NEGR1: variants seen among roughly 807,000 people sequenced by gnomAD.
NEGR1 encodes the protein IgLON family member 4.
In NEGR1, 10 loss-of-function variants were observed where a neutral mutation model predicts 40.9. The ratio of observed to expected loss-of-function variants is 0.24; its 90% confidence interval spans 0.15 to 0.42. NEGR1 has a LOEUF of 0.42. NEGR1 is among the 10% of genes least tolerant of loss of function. NEGR1 has a pLI of 1.00. For missense variants in NEGR1, 352 were observed against 438.9 expected, an observed-to-expected ratio of 0.80 and a Z score of 1.77; for synonymous variants, 185 against 166.8, an observed-to-expected ratio of 1.11 and a Z score of -0.84.
chr1:72,212,731 A>C (rs1653657080), intron 1 of NEGR1, among the ~76,000 whole-genome samples: 1 of 151,996 alleles, frequency 6.6e-6, no homozygotes, highest in Non-Finnish European at 1.5e-5. Flanking sequence ...AGCTATTCTA[A>C]AATTTTTTCT....
intron 1 of NEGR1, among the ~76,000 whole-genome samples, chr1:72,039,630 T>G (rs1646934719): frequency 6.6e-6 from 1 of 151,908 alleles, no homozygotes; most frequent in Non-Finnish European, 1.5e-5. Context: ...ATGTTGGAGT[T>G]TTTACTATGC....
intron 1 of NEGR1, among the ~76,000 whole-genome samples, chr1:72,162,552 C>A (rs1293833460): frequency 6.6e-6 from 1 of 152,098 alleles, no homozygotes; most frequent in African/African-American, 2.4e-5. Flanking sequence ...GAGTGACAGT[C>A]ATCATTAAAA....
intron 6 of NEGR1, among the ~76,000 whole-genome samples, chr1:71,524,353 T>TGTGTGTGTGA (rs1553148001): frequency 6.7e-6 from 1 of 149,498 alleles, no homozygotes; most frequent in African/African-American, 2.5e-5. Flanking sequence ...TGTGTGTGTG[T>TGTGTGTGTGA]GTGATATCAA....
At chr1:72,142,162 C>T (rs763378738) in intron 1 of NEGR1, among the ~76,000 whole-genome samples, 8 of 151,814 alleles carry the variant, frequency 5.3e-5, no homozygotes, top group Non-Finnish European at 1.2e-4. Flanking sequence ...CAACTCCATG[C>T]CCTCCTGACC....
intron 6 of NEGR1, among the ~76,000 whole-genome samples, chr1:71,581,942 A>G (rs370226505): frequency 1.6e-3 from 242 of 152,180 alleles, no homozygotes; most frequent in African/African-American, 5.5e-3. Flanking sequence ...GGGCTCAAGC[A>G]ATCCATCTGC....
intron 1 of NEGR1, among the ~76,000 whole-genome samples, chr1:71,948,984 C>T (rs142849391): frequency 2.1e-4 from 32 of 152,172 alleles, no homozygotes; most frequent in African/African-American, 7.5e-4. Context: ...AAAAAATACA[C>T]TATCACTCTA....
chr1:72,087,747 T>C (rs1324089784), intron 1 of NEGR1, among the ~76,000 whole-genome samples: 3 of 144,182 alleles, frequency 2.1e-5, no homozygotes, highest in Non-Finnish European at 4.5e-5. Flanking sequence ...TGTGTGCCAC[T>C]GTGCTTTTTT....
At chr1:71,741,603 C>G (rs1168748082) in intron 3 of NEGR1, among the ~76,000 whole-genome samples, 1 of 152,104 alleles carries the variant, frequency 6.6e-6, no homozygotes, top group East Asian at 1.9e-4. Flanking sequence ...AAACCCTGAT[C>G]CTGAATTTAT....
intron 6 of NEGR1, among the ~76,000 whole-genome samples, chr1:71,497,599 C>A (rs967742298): frequency 2.0e-5 from 3 of 151,884 alleles, no homozygotes; most frequent in Non-Finnish European, 4.4e-5. Context: ...GGTTTAAGAA[C>A]TCATCTTGTT....
chr1:71,954,443 C>A (rs528441158), intron 1 of NEGR1, among the ~76,000 whole-genome samples: 2 of 151,812 alleles, frequency 1.3e-5, no homozygotes, highest in South Asian at 2.1e-4. Context: ...ATCCTAAGAA[C>A]TGGATAGTAA....
intron 4 of NEGR1, among the ~76,000 whole-genome samples, chr1:71,681,733 A>G (rs1324960547): frequency 6.6e-6 from 1 of 152,118 alleles, no homozygotes. Flanking sequence ...GTCCTTATGG[A>G]ATTATACTTT....
At chr1:71,655,476 T>G (rs559228748) in intron 4 of NEGR1, among the ~76,000 whole-genome samples, 1 of 152,352 alleles carries the variant, frequency 6.6e-6, no homozygotes, top group East Asian at 1.9e-4. Flanking sequence ...ATTTGTGAAC[T>G]GCCTTTCTTC....
chr1:71,831,927 C>A (rs1658856182), intron 2 of NEGR1, among the ~76,000 whole-genome samples: 1 of 151,728 alleles, frequency 6.6e-6, no homozygotes, highest in African/African-American at 2.4e-5. Flanking sequence ...GACTAGAATG[C>A]ATTTTTTTAA....
chr1:71,867,354 G>A (rs191013834), intron 2 of NEGR1, among the ~76,000 whole-genome samples: 10 of 152,298 alleles, frequency 6.6e-5, no homozygotes, highest in African/African-American at 9.6e-5. Context: ...CACCCTGGGC[G>A]AAAGAGTGAG....
At chr1:71,994,914 A>G (rs1646490111) in intron 1 of NEGR1, among the ~76,000 whole-genome samples, 1 of 150,802 alleles carries the variant, frequency 6.6e-6, no homozygotes, top group Non-Finnish European at 1.5e-5. Flanking sequence ...TTAACATCAA[A>G]CTTCCTGCCA....
intron 3 of NEGR1, among the ~76,000 whole-genome samples, chr1:71,710,747 A>T (rs990281942): frequency 2.6e-5 from 4 of 152,004 alleles, no homozygotes; most frequent in African/African-American, 7.3e-5. Flanking sequence ...TGGGAAGGGG[A>T]ATTGGGAGAG....
intron 1 of NEGR1, among the ~76,000 whole-genome samples, chr1:72,077,220 G>A (rs955379030): frequency 6.6e-6 from 1 of 151,848 alleles, no homozygotes; most frequent in Non-Finnish European, 1.5e-5. Context: ...TATGTTAAAG[G>A]AACACGAATG....
intron 1 of NEGR1, among the ~76,000 whole-genome samples, chr1:72,162,054 CTGT>C: frequency 6.6e-6 from 1 of 152,062 alleles, no homozygotes; most frequent in Admixed American, 6.6e-5. Flanking sequence ...TGTGGTTGTG[CTGT>C]TAGAAGTTAT....
At chr1:71,992,519 C>T (rs1307757169) in intron 1 of NEGR1, among the ~76,000 whole-genome samples, 1 of 119,532 alleles carries the variant, frequency 8.4e-6, no homozygotes, top group Non-Finnish European at 1.9e-5. Flanking sequence ...AAATATTAGT[C>T]ATGTAATTTA....
Sources: allele counts gnomAD v4.1 joint callset (sites outside exome capture counted in the v4.1 genomes callset), GRCh38; gene constraint gnomAD v4.1.1; transcripts MANE v1.5; gene names NCBI Gene and HGNC (gene_info 2026-07-23, HGNC 2026-07-21).